ATE1: variants seen among roughly 807,000 people sequenced by gnomAD.
ATE1 encodes arginyl-tRNA--protein transferase 1.
A neutral mutation model predicts 70.5 loss-of-function variants in ATE1; 36 were observed. That is an observed-to-expected ratio of 0.51 (90% CI 0.39 to 0.67). The LOEUF (loss-of-function observed/expected upper bound fraction) is 0.67, where lower values mean the gene tolerates loss of function less well. Among genes scored for constraint, ATE1 ranks in the 30% least tolerant of loss-of-function variants. ATE1 has a pLI of 0.00. For synonymous variants in ATE1, 232 were observed against 219.3 expected, an observed-to-expected ratio of 1.06 and a Z score of -0.51; for missense variants, 593 against 629.5, an observed-to-expected ratio of 0.94 and a Z score of 0.62.
chr10:121,913,366 C>T (rs965359331), intron 4 of ATE1, among the ~76,000 whole-genome samples: 4 of 152,182 alleles, frequency 2.6e-5, no homozygotes, highest in African/African-American at 9.7e-5. Flanking sequence ...CTTATTCAAA[C>T]ACAGAAAAGC....
chr10:121,885,292 G>A (rs1250949518), intron 7 of ATE1, among the ~76,000 whole-genome samples: 17 of 142,208 alleles, frequency 1.2e-4, no homozygotes, highest in African/African-American at 3.7e-4. Context: ...AAAAGAGGCC[G>A]GGCGCGGTGG....
intron 10 of ATE1, among the ~76,000 whole-genome samples, chr10:121,825,115 C>T (rs186311114): frequency 6.6e-6 from 1 of 151,558 alleles, no homozygotes. Flanking sequence ...CCACCAACCA[C>T]CTTCCACTTT....
intron 11 of ATE1, among the ~76,000 whole-genome samples, chr10:121,766,366 G>A (rs925608262): frequency 6.6e-6 from 1 of 152,036 alleles, no homozygotes; most frequent in African/African-American, 2.4e-5. Context: ...GAAGATGAGG[G>A]AGACCTACTT....
At chr10:121,827,451 C>T (rs1218586518) in intron 10 of ATE1, among the ~76,000 whole-genome samples, 8 of 152,190 alleles carry the variant, frequency 5.3e-5, no homozygotes, top group Admixed American at 3.9e-4. Context: ...AGCACCACTG[C>T]GGACAGCAGC....
chr10:121,851,008 G>T (rs1293230317), intron 8 of ATE1, among the ~76,000 whole-genome samples: 2 of 141,054 alleles, frequency 1.4e-5, no homozygotes, highest in East Asian at 4.5e-4. Context: ...GGAGAATGGC[G>T]TGAACCTGGG....
intron 5 of ATE1, among the ~76,000 whole-genome samples, chr10:121,910,281 C>T (rs1427760095): frequency 6.6e-6 from 1 of 152,154 alleles, no homozygotes; most frequent in Non-Finnish European, 1.5e-5. Context: ...AAAACTGACA[C>T]ATCTAATAAA....
intron 7 of ATE1, among the ~76,000 whole-genome samples, chr10:121,895,583 C>A (rs570587490): frequency 1.3e-5 from 2 of 151,980 alleles, no homozygotes; most frequent in Admixed American, 1.3e-4. Context: ...CATCGCACTC[C>A]AGCCTGGTTG....
chr10:121,788,004 A>G (rs1211647435), intron 11 of ATE1, among the ~76,000 whole-genome samples: 1 of 152,214 alleles, frequency 6.6e-6, no homozygotes, highest in Non-Finnish European at 1.5e-5. Flanking sequence ...TTAGGATCAT[A>G]ATATAATTGG....
At chr10:121,918,673 C>T (rs1004325174) in intron 3 of ATE1, among the ~76,000 whole-genome samples, 1 of 152,108 alleles carries the variant, frequency 6.6e-6, no homozygotes, top group Non-Finnish European at 1.5e-5. Flanking sequence ...CTCTTTATAA[C>T]CACGAAAACT....
chr10:121,749,718 G>GC (rs1381742002), intron 11 of ATE1, among the ~76,000 whole-genome samples: 1 of 152,084 alleles, frequency 6.6e-6, no homozygotes, highest in Non-Finnish European at 1.5e-5. Flanking sequence ...ACTGACGTCA[G>GC]CCCCCCATGC....
At position 121,763,461 on chromosome 10, in the gene ATE1, G is replaced by A. The variant is rs542857763; in HGVS notation, c.1379-19603C>T. 9.9e-5 allele frequency among the ~76,000 whole-genome samples: 15 copies of A among 152,252 alleles called. 2 individuals are homozygous for A. The South Asian group carries it at 2.5e-3, about 25-fold the overall frequency. ...ATTATCAAGCCACATAAAGATATGG[G>A]GGAACTTTAAATGCATTTAATGAAG... On this transcript the variant is annotated intron_variant, in intron 11 of 11. Transcript: ENST00000224652.
chr10:121,846,802 CA>C (rs1288705968), intron 8 of ATE1: 1 of 151,982 alleles, frequency 6.6e-6, no homozygotes, highest in Non-Finnish European at 1.5e-5. Context: ...TAAGTTATGT[CA>C]AAAACCAGTT....
At chr10:121,886,732 C>A (rs1950411480) in intron 7 of ATE1, among the ~76,000 whole-genome samples, 1 of 152,150 alleles carries the variant, frequency 6.6e-6, no homozygotes, top group African/African-American at 2.4e-5. Flanking sequence ...GAACTTAACT[C>A]TTGTTTATAT....
intron 8 of ATE1, among the ~76,000 whole-genome samples, chr10:121,852,439 C>G (rs1199721486): frequency 6.6e-6 from 1 of 152,052 alleles, no homozygotes; most frequent in African/African-American, 2.4e-5. Flanking sequence ...AACACTTCAC[C>G]GAAGTTTGAA....
At chr10:121,763,656 T>A (rs1215542869) in intron 11 of ATE1, among the ~76,000 whole-genome samples, 2 of 152,164 alleles carry the variant, frequency 1.3e-5, no homozygotes, top group African/African-American at 4.8e-5. Context: ...ATGAAACTCC[T>A]CTGTAGGATA....
At position 121,830,395 on chromosome 10, in the gene ATE1, C is replaced by T. The variant is rs77509203; in HGVS notation, c.1257+6323G>A. ...AATAAACCCAGGCTCTCCTGCAGGT[C>T]TCTGCTCCAGTCTCCCTTCTGTTTC... On this transcript the variant is annotated intron_variant, in intron 10 of 11. Transcript: ENST00000224652. Among the ~76,000 whole-genome samples the T allele has an allele frequency of 3.4e-3, 516 of 152,300 alleles. 7 individuals are homozygous for T. Among genetic ancestry groups the T allele is most frequent in the African/African-American group, 0.012 (480 of 41,558 alleles).
At chr10:121,763,068 G>A (rs1590231831) in intron 11 of ATE1, among the ~76,000 whole-genome samples, 1 of 152,186 alleles carries the variant, frequency 6.6e-6, no homozygotes, top group African/African-American at 2.4e-5. Context: ...AATTCACATT[G>A]TTTTTATCAG....
intron 10 of ATE1, 51 bp downstream of exon 10, chr10:121,836,667 G>C: frequency 1.7e-6 from 2 of 1,211,844 alleles, no homozygotes; most frequent in Non-Finnish European, 2.3e-6. Flanking sequence ...AATTTTATGA[G>C]AGATTCATTT....
intron 10 of ATE1, among the ~76,000 whole-genome samples, chr10:121,804,506 G>A (rs1947016608): frequency 6.6e-6 from 1 of 152,162 alleles, no homozygotes; most frequent in African/African-American, 2.4e-5. Context: ...CCAGATGTGG[G>A]AAAAGTATAA....
Sources: allele counts gnomAD v4.1 joint callset (sites outside exome capture counted in the v4.1 genomes callset), GRCh38; gene constraint gnomAD v4.1.1; transcripts MANE v1.5; gene names NCBI Gene and HGNC (gene_info 2026-07-23, HGNC 2026-07-21).